The following PLCZ1 variants were observed in gnomAD, a reference collection of about 807,000 sequenced individuals.
PLCZ1 encodes phospholipase C zeta 1, also known as 1-phosphatidylinositol 4,5-bisphosphate phosphodiesterase zeta-1.
In PLCZ1, 64 loss-of-function variants were observed where a neutral mutation model predicts 76.8. The ratio of observed to expected loss-of-function variants is 0.83; its 90% CI spans 0.68 to 1.03. The LOEUF (loss-of-function observed/expected upper bound fraction) is 1.03, where lower values mean the gene tolerates loss of function less well. PLCZ1 is among the 50% of genes least tolerant of loss of function. The pLI is 0.00. For synonymous variants in PLCZ1, 248 were observed against 230.8 expected (o/e 1.07, Z -0.68); for missense variants, 751 against 713.7 (o/e 1.05, Z -0.60).
intron 12 of PLCZ1, among the ~76,000 whole-genome samples, chr12:18,689,923 G>T (rs951348107): frequency 2.0e-5 from 3 of 152,066 alleles, no homozygotes; most frequent in African/African-American, 7.2e-5. Context: ...GAGTGATAGA[G>T]GCAACAGAGA....
chr12:18,732,728 T>C (rs192685556), intron 3 of PLCZ1, among the ~76,000 whole-genome samples: 1 of 152,336 alleles, frequency 6.6e-6, no homozygotes, highest in East Asian at 1.9e-4. Flanking sequence ...CTATTTGTCC[T>C]TCTGTGTCTG....
In PLCZ1 at chr12:18,705,171, G is replaced by A. The variant is rs773945669; in HGVS notation, c.859C>T (p.Pro287Ser). 3 of 1,613,824 alleles carry A rather than the reference G, an allele frequency of 1.9e-6. No individual in the cohort carries two copies. Among genetic ancestry groups the A allele is most frequent in the Non-Finnish European group, 2.5e-6 (3 of 1,179,970 alleles). The part of the protein sequence containing the change: ...LDDFPDTLPS[P>S]EALKFKILVK... ...TTCTCAGAAAAAAATGTTACCTCTG[G>A]TGATGGTAGAGTATCAGGAAAATCA... The change falls in exon 7 of 15, where the codon CCA becomes TCA. Residue 287 changes from proline (P) to serine (S), a missense_variant. By Grantham distance (74) the Pro-to-Ser change is moderately conservative (BLOSUM62 -1). Coordinates refer to ENST00000266505, the MANE Select transcript of PLCZ1 (RefSeq NM_033123.4).
chr12:18,719,647 T>G lies in PLCZ1; in HGVS notation c.368-15A>C. The G allele has an allele frequency of 6.5e-7, 1 of 1,532,914 alleles. No homozygotes were observed. The highest frequency in any genetic ancestry group is 8.9e-7 in the Non-Finnish European group (1 of 1,126,688). The allele number at this position is 1,532,914 out of a possible 1,614,324, so 95.0% of individuals were successfully genotyped here. A position where few individuals can be genotyped will look rare whatever the true frequency, so the allele number is the denominator to read the frequency against. On this transcript the variant is annotated splice_polypyrimidine_tract_variant and intron_variant, in intron 4 of 14. Coordinates refer to ENST00000266505, the MANE Select transcript of PLCZ1 (RefSeq NM_033123.4). ...TGCTTTCCTAACTAAAAAAATAAAA[T>G]AAAATAAGTTAAAAGGATGCAAAAA... is the stretch of plus-strand genomic sequence containing the variant.
chr12:18,668,680 A>G, the PLCZ1 span, among the ~76,000 whole-genome samples: 1 of 152,074 alleles, frequency 6.6e-6, no homozygotes, highest in African/African-American at 2.4e-5. Flanking sequence ...CTTCAGGCCA[A>G]CTCACCTCCA....
chr12:18,667,090 A>G, the PLCZ1 span, among the ~76,000 whole-genome samples: 1 of 152,186 alleles, frequency 6.6e-6, no homozygotes, highest in African/African-American at 2.4e-5. Context: ...TGCCAGAAAC[A>G]CTAGGCTTAA....
chr12:18,710,518 G>A (rs1410787810), intron 6 of PLCZ1, among the ~76,000 whole-genome samples: 3 of 151,992 alleles, frequency 2.0e-5, no homozygotes, highest in South Asian at 2.1e-4. Context: ...GAGTGAGGCC[G>A]AAGGCTTTGA....
At chr12:18,689,606 T>A (rs1180435073) in intron 12 of PLCZ1, among the ~76,000 whole-genome samples, 1 of 152,238 alleles carries the variant, frequency 6.6e-6, no homozygotes, top group African/African-American at 2.4e-5. Context: ...AACAAATTTG[T>A]TTGTACAGGA....
intron 3 of PLCZ1, among the ~76,000 whole-genome samples, chr12:18,726,923 C>T (rs1371052580): frequency 1.3e-5 from 2 of 152,108 alleles, no homozygotes; most frequent in East Asian, 3.9e-4. Flanking sequence ...TCCCTTTCCT[C>T]CTTACCAAAT....
In PLCZ1 at chr12:18,683,210, G is replaced by A. The variant is rs150206103; in HGVS notation, c.*29C>T. The A allele has an allele frequency of 6.3e-7, 1 of 1,589,240 alleles. No individual in the cohort carries two copies. The highest frequency in any genetic ancestry group is 1.3e-5 in the African/African-American group (1 of 74,346). On this transcript the variant is annotated 3_prime_UTR_variant, in exon 15 of 15. Transcript: ENST00000266505. ...TTTGGCTGTTTTATTGCGATGCATA[G>A]CTAATGATATGTCATTTATCATTAG... is the stretch of plus-strand genomic sequence containing the variant.
intron 5 of PLCZ1, among the ~76,000 whole-genome samples, 174 bp downstream of exon 5, chr12:18,719,257 T>A (rs1015330413): frequency 6.6e-6 from 1 of 152,158 alleles, no homozygotes; most frequent in Non-Finnish European, 1.5e-5. Context: ...ACGTTGCCAC[T>A]TCATCCAAAT....
chr12:18,668,972 G>A, the PLCZ1 span, among the ~76,000 whole-genome samples: 1 of 152,070 alleles, frequency 6.6e-6, no homozygotes, highest in Non-Finnish European at 1.5e-5. Context: ...TAAGAGAGAA[G>A]CTCCAGGTGT....
At chr12:18,708,448 G>A (rs1956898347) in intron 6 of PLCZ1, among the ~76,000 whole-genome samples, 1 of 152,076 alleles carries the variant, frequency 6.6e-6, no homozygotes, top group Non-Finnish European at 1.5e-5. Context: ...CATGTCTATT[G>A]TGAACAATTC....
chr12:18,719,781 T>G (rs2137518673), intron 4 of PLCZ1, 149 bp from the exon 5 acceptor site: 1 of 466,670 alleles, frequency 2.1e-6, no homozygotes, highest in Middle Eastern at 6.1e-4. Context: ...ATTTATGTTG[T>G]TTGGAAACAA....
At chr12:18,700,944 C>T (rs1357768059) in intron 9 of PLCZ1, among the ~76,000 whole-genome samples, 1 of 151,638 alleles carries the variant, frequency 6.6e-6, no homozygotes, top group Non-Finnish European at 1.5e-5. Context: ...TCGCACAAAG[C>T]CTGTTTCATA....
intron 10 of PLCZ1, 39 bp downstream of exon 10, chr12:18,699,755 C>A (rs745397935): frequency 1.3e-6 from 2 of 1,579,106 alleles, no homozygotes; most frequent in East Asian, 2.2e-5. Context: ...GAATCTAACT[C>A]ATTTAAACAT....
the PLCZ1 span, among the ~76,000 whole-genome samples, chr12:18,654,704 G>T: frequency 6.6e-6 from 1 of 152,154 alleles, no homozygotes; most frequent in Admixed American, 6.6e-5. Context: ...ACTTGGTCTG[G>T]ATCAGCTCTT....
chr12:18,737,125 G>A (rs1393750921), intron 2 of PLCZ1, among the ~76,000 whole-genome samples: 1 of 152,104 alleles, frequency 6.6e-6, no homozygotes. Context: ...ACGAATTAAT[G>A]AGATCTCCTT....
At chr12:18,651,305 C>A in the PLCZ1 span, among the ~76,000 whole-genome samples, 5 of 151,554 alleles carry the variant, frequency 3.3e-5, 1 homozygote, top group South Asian at 4.2e-4. Context: ...CGTCTCTGCC[C>A]TGCCTACCTT....
At chr12:18,664,424 A>G in the PLCZ1 span, among the ~76,000 whole-genome samples, 512 of 152,348 alleles carry the variant, frequency 3.4e-3, no homozygotes, top group African/African-American at 0.012. Context: ...ATACTGTGGA[A>G]TATTGTTCAG....
Sources: gnomAD v4.1 joint callset for allele counts (sites outside exome capture counted in the v4.1 genomes callset) on GRCh38, gnomAD v4.1.1 for gene constraint, MANE v1.5 for transcripts, NCBI Gene and HGNC (gene_info 2026-07-23, HGNC 2026-07-21) for gene names.